Variants in CEP295 observed in about 807,000 individuals in gnomAD.
CEP295 encodes centrosomal protein 295.
CEP295 carries 190 observed loss-of-function variants against 291.6 expected under a neutral mutation model. The observed-to-expected ratio is 0.65, with a 90% CI of 0.58 to 0.73. CEP295 has a LOEUF of 0.73. Among genes scored for constraint, CEP295 ranks in the 30% least tolerant of loss-of-function variants. The probability of loss-of-function intolerance (pLI) is 0.00; values close to 1 mark genes in which losing one functional copy is unlikely to be tolerated. For synonymous variants in CEP295, 993 were observed against 1,038.8 expected, an observed-to-expected ratio of 0.96 and a Z score of 0.85; for missense variants, 2,863 against 2,949.4, an observed-to-expected ratio of 0.97 and a Z score of 0.68.
chr11:93,664,821 G>T (rs1487375819), intron 1 of CEP295, among the ~76,000 whole-genome samples: 1 of 152,122 alleles, frequency 6.6e-6, no homozygotes, highest in Non-Finnish European at 1.5e-5. Flanking sequence ...TGAAAACATT[G>T]TGCATCCATA....
In CEP295 at chr11:93,683,967, T is replaced by C; in HGVS notation, c.953T>C (p.Val318Ala). Residue 318 changes from valine to alanine, a missense_variant, in exon 9 of 30, where the codon GTG (valine) becomes GCG (alanine). Transcript: ENST00000325212. The stretch of plus-strand genomic sequence containing the variant: ...GTCTCTATTTTTCTTTTTTAAGAGG[T>C]GAAAGGGAATCTGATTCTGCACCTT... ...FEDMYNADRK[V>A]KGNLILHLEP... 6.5e-7 allele frequency: 1 copy of C among 1,547,008 alleles called. No homozygotes were observed. Among genetic ancestry groups the C allele is most frequent in the Non-Finnish European group, 8.7e-7 (1 of 1,146,114 alleles).
In CEP295 at chr11:93,725,786, G is replaced by T; in HGVS notation, c.6454G>T (p.Ala2152Ser). 6.4e-7 allele frequency: 1 copy of T among 1,551,546 alleles called. No individual in the cohort carries two copies. Among genetic ancestry groups the T allele is most frequent in the Non-Finnish European group, 8.7e-7 (1 of 1,146,960 alleles). The part of the protein sequence containing the change: ...SPNQQPDTNL[A>S]HVGAHSFATE... Reference sequence around the variant, plus strand: ...GAATCAACAACCTGACACTAACTTGGCTCATGTTGGAGCTCACAGTTTTGC... The same window carrying T: ...GAATCAACAACCTGACACTAACTTGTCTCATGTTGGAGCTCACAGTTTTGC... Residue 2152 changes from alanine (A) to serine (S), a missense_variant, in exon 23 of 30, where the codon GCT becomes TCT. Physicochemically the swap from Ala to Ser is moderately conservative, Grantham distance 99 (BLOSUM62 1). This residue lies in a region of CEP295 where 2,295 missense variants were observed against 2,335.7 expected (regional missense o/e 0.98). Coordinates refer to ENST00000325212, the MANE Select transcript of CEP295 (RefSeq NM_033395.2).
intron 18 of CEP295, among the ~76,000 whole-genome samples, chr11:93,713,458 C>T (rs1436059408): frequency 3.3e-5 from 5 of 152,118 alleles, no homozygotes; most frequent in African/African-American, 9.7e-5. Context: ...GATATTTTTG[C>T]CAGATCCGCA....
intron 12 of CEP295, among the ~76,000 whole-genome samples, chr11:93,694,394 C>T (rs1243849524): frequency 6.6e-6 from 1 of 152,038 alleles, no homozygotes; most frequent in East Asian, 1.9e-4. Flanking sequence ...CTTTATAATT[C>T]CACTGATAGA....
Position 93,727,101 on chromosome 11 carries a change from A to C in CEP295, c.6625A>C (p.Asn2209His). The C allele has an allele frequency of 6.4e-7, 1 of 1,551,716 alleles. No homozygotes were observed. The highest frequency in any genetic ancestry group is 8.7e-7 in the Non-Finnish European group (1 of 1,146,932). The part of the protein sequence containing the change: ...RDSSQGMKNQ[N>H]YPSEEHTEIL... Reference sequence around the variant, plus strand: ...TTCTTCCCAAGGCATGAAAAATCAGAACTATCCCTCTGAAGAACATACTGA... The same window carrying C: ...TTCTTCCCAAGGCATGAAAAATCAGCACTATCCCTCTGAAGAACATACTGA... Residue 2209 changes from asparagine (N) to histidine (H), a missense_variant, in exon 24 of 30, where the codon AAC (asparagine) becomes CAC (histidine). This residue lies in a region of CEP295 where 2,295 missense variants were observed against 2,335.7 expected (regional missense o/e 0.98). Coordinates refer to ENST00000325212, the MANE Select transcript of CEP295 (RefSeq NM_033395.2).
At chr11:93,714,919 A>T (rs548012863) in intron 18 of CEP295, among the ~76,000 whole-genome samples, 3 of 152,112 alleles carry the variant, frequency 2.0e-5, no homozygotes, top group South Asian at 4.1e-4. Context: ...TGTGGCCATC[A>T]TCTCTGAGAC....
chr11:93,717,819 A>AG (rs1202517044), intron 18 of CEP295, among the ~76,000 whole-genome samples: 1 of 152,136 alleles, frequency 6.6e-6, no homozygotes, highest in Non-Finnish European at 1.5e-5. Context: ...ACAGAACACC[A>AG]GGGCATTACC....
Position 93,726,986 on chromosome 11 carries a change from A to G in CEP295, c.6510A>G (p.Gln2170=). 1 of 1,512,700 alleles carries G rather than the reference A, an allele frequency of 6.6e-7. No individual in the cohort carries two copies. The highest frequency in any genetic ancestry group is 8.8e-7 in the Non-Finnish European group (1 of 1,131,608). 93.7% of individuals were successfully genotyped at this position (1,512,700 alleles called of 1,614,324 possible). A position where few individuals can be genotyped will look rare whatever the true frequency, so the allele number is the denominator to read the frequency against. ...ATENIIGGSE[Q]CFEQLQPEYS... ...AATTTCTTAATGCAGGATCTGAACAATGTTTTGAACAGCTTCAGCCAGAAT... is the reference window on the plus strand; with the variant it reads ...AATTTCTTAATGCAGGATCTGAACAGTGTTTTGAACAGCTTCAGCCAGAAT... The change falls in exon 24 of 30, where the codon CAA becomes CAG. Residue 2170 remains glutamine (Q), a synonymous_variant. Coordinates refer to ENST00000325212, the MANE Select transcript of CEP295 (RefSeq NM_033395.2).
rs558028429 is a variant in CEP295 at position 93,687,672 on chromosome 11, T to G, written c.1143T>G (p.Ile381Met). Residue 381 changes from isoleucine (I) to methionine (M), a missense_variant, in exon 10 of 30, where the codon ATT becomes ATG. Physicochemically the swap from Ile to Met is conservative, Grantham distance 10. Around this residue, in one of 3 missense-constraint regions of CEP295, gnomAD observed 554 missense variants for 576.0 expected, o/e 0.96. Transcript: ENST00000325212. ...CCTTGGTAATGAAGACCCAACAGATTCCTTCAAAAGTTCTTTTTAAAAAAT... is the reference window on the plus strand; with the variant it reads ...CCTTGGTAATGAAGACCCAACAGATGCCTTCAAAAGTTCTTTTTAAAAAAT... ...DVPLVMKTQQ[I>M]PSKVLFKKLL... 6.5e-7 allele frequency: 1 copy of G among 1,536,648 alleles called. No individual in the cohort carries two copies. The highest frequency in any genetic ancestry group is 1.2e-5 in the South Asian group (1 of 82,726).
intron 13 of CEP295, 48 bp from the exon 14 acceptor site, chr11:93,696,272 A>G: frequency 9.1e-7 from 1 of 1,097,268 alleles, no homozygotes; most frequent in Non-Finnish European, 1.3e-6. Context: ...ATACTTCAAT[A>G]CTTACTTCTA....
intron 10 of CEP295, among the ~76,000 whole-genome samples, chr11:93,688,798 T>G (rs1253132804): frequency 6.6e-6 from 1 of 152,206 alleles, no homozygotes; most frequent in East Asian, 1.9e-4. Context: ...GCCTCCTGTT[T>G]GAACTCACCT....
At position 93,699,630 on chromosome 11, in the gene CEP295, A is replaced by G. The variant is rs780703526; in HGVS notation, c.4718A>G (p.Asp1573Gly). The G allele has an allele frequency of 6.4e-7, 1 of 1,551,628 alleles. No individual in the cohort carries two copies. Among genetic ancestry groups the G allele is most frequent in the Non-Finnish European group, 8.7e-7 (1 of 1,147,076 alleles). ...AAGTCTTTCCCAACCAAAAGTAATGATACTCTTCCCTCAAGTCATCGTGAG... is the reference window on the plus strand; with the variant it reads ...AAGTCTTTCCCAACCAAAAGTAATGGTACTCTTCCCTCAAGTCATCGTGAG... ...TQKSFPTKSNDTLPSSHREIP... is the reference protein window; with the variant it reads ...TQKSFPTKSNGTLPSSHREIP... Residue 1573 changes from aspartate to glycine, a missense_variant, in exon 15 of 30, where the codon GAT becomes GGT. Physicochemically the swap from Asp to Gly is moderately conservative, Grantham distance 94. Transcript: ENST00000325212.
rs770715953 is a variant in CEP295, at chr11:93,698,248, A to G, written c.3336A>G (p.Ser1112=). ...TGGTTGTTCAGCATTCAGTTGCTTCACAAGCTTCTGCTAAAGCTGAGCCTA... is the reference window on the plus strand; with the variant it reads ...TGGTTGTTCAGCATTCAGTTGCTTCGCAAGCTTCTGCTAAAGCTGAGCCTA... ...SPVVVQHSVA[S]QASAKAEPRR... Residue 1112 remains serine, a synonymous_variant, in exon 15 of 30, where the codon TCA becomes TCG. Coordinates refer to ENST00000325212, the MANE Select transcript of CEP295 (RefSeq NM_033395.2). 13 of 1,551,816 alleles carry G rather than the reference A, an allele frequency of 8.4e-6. No individual in the cohort carries two copies. The South Asian group carries it at 1.4e-4, about 17-fold the overall frequency.
chr11:93,721,317 C>A lies in CEP295; in HGVS notation c.5755C>A (p.Leu1919Met). The A allele has an allele frequency of 6.5e-7, 1 of 1,547,668 alleles. No homozygotes were observed. Among genetic ancestry groups the A allele is most frequent in the Non-Finnish European group, 8.8e-7 (1 of 1,142,678 alleles). The change falls in exon 19 of 30, where the codon CTG (leucine) becomes ATG (methionine). Residue 1919 changes from leucine to methionine, a missense_variant. Leu to Met is a conservative substitution (Grantham distance 15, BLOSUM62 2). Around this residue, in one of 3 missense-constraint regions of CEP295, gnomAD observed 2,295 missense variants for 2,335.7 expected, o/e 0.98. Coordinates refer to ENST00000325212, the MANE Select transcript of CEP295 (RefSeq NM_033395.2). ...CTCCAAAATCCATTTTTCAGTTAAG[C>A]TGAAGGAATCTGTTGTTGAAAATCA... is the stretch of plus-strand genomic sequence containing the variant. ...CGDDYDEAVK[L>M]KESVVENHAV...
At chr11:93,722,149 A>G (rs1260046682) in intron 20 of CEP295, 99 bp downstream of exon 20, 2 of 712,422 alleles carry the variant, frequency 2.8e-6, no homozygotes, top group Non-Finnish European at 4.8e-6. Flanking sequence ...ATGATACACC[A>G]TGGGGAACTA....
At position 93,726,342 on chromosome 11, in the gene CEP295, C is replaced by T. The variant is rs182125862; in HGVS notation, c.6499+511C>T. On this transcript the variant is annotated intron_variant, in intron 23 of 29. Coordinates refer to ENST00000325212, the MANE Select transcript of CEP295 (RefSeq NM_033395.2). ...ATAGACAGGGTTTCACTATGTTGGT[C>T]AGGCTGGTCTAGAACTCCCGACCTC... is the stretch of plus-strand genomic sequence containing the variant. 4.3e-3 allele frequency among the ~76,000 whole-genome samples: 659 copies of T among 152,324 alleles called. 25 individuals are homozygous for T. Among genetic ancestry groups the T allele is most frequent in the Admixed American group, 0.041 (622 of 15,304 alleles).
chr11:93,705,246 G>C (rs1027091842), intron 17 of CEP295, among the ~76,000 whole-genome samples: 1 of 152,004 alleles, frequency 6.6e-6, no homozygotes, highest in Admixed American at 6.6e-5. Context: ...GATAAAAATT[G>C]GTTCTTGGGG....
chr11:93,726,441 G>A (rs186773568), intron 23 of CEP295, among the ~76,000 whole-genome samples: 1 of 152,306 alleles, frequency 6.6e-6, no homozygotes, highest in Admixed American at 6.5e-5. Flanking sequence ...GCCAGTTTAA[G>A]TATTCTTCTT....
chr11:93,719,928 A>C (rs648162), intron 18 of CEP295, among the ~76,000 whole-genome samples: 137,092 of 151,936 alleles, frequency 0.9, 63,005 homozygotes, highest in Non-Finnish European at 0.99. Flanking sequence ...AATAAGAAGG[A>C]AAATAAGCTC....
Sources: allele counts gnomAD v4.1 joint callset (sites outside exome capture counted in the v4.1 genomes callset), GRCh38; gene constraint gnomAD v4.1.1; regional missense constraint gnomAD v4.1.1; transcripts MANE v1.5; gene names NCBI Gene and HGNC (gene_info 2026-07-23, HGNC 2026-07-21).